KCNH8: variants seen among roughly 807,000 people sequenced by gnomAD.
KCNH8 encodes the protein potassium voltage-gated channel subfamily H member 8, also known as voltage-gated delayed rectifier potassium channel KCNH8.
Under a neutral mutation model 103.6 loss-of-function variants are expected in KCNH8, and 70 were observed. The observed-to-expected ratio is 0.68, with a 90% CI of 0.56 to 0.82. KCNH8 has a LOEUF of 0.82. KCNH8 is among the 40% of genes least tolerant of loss of function. The pLI is 0.00. For synonymous variants in KCNH8, 498 were observed against 489.4 expected (o/e 1.02, Z -0.23); for missense variants, 1,217 against 1,329.9 (o/e 0.92, Z 1.32).
intron 3 of KCNH8, among the ~76,000 whole-genome samples, chr3:19,297,809 G>A (rs887548200): frequency 6.6e-6 from 1 of 152,234 alleles, no homozygotes; most frequent in Admixed American, 6.5e-5. Flanking sequence ...CTTCAGTCAA[G>A]TGATTTCATT....
rs555284712 is a variant in KCNH8, at chr3:19,447,042, A to G, written c.1376-3064A>G. Among the ~76,000 whole-genome samples, 4 of 152,172 alleles carry G rather than the reference A, an allele frequency of 2.6e-5. No homozygotes were observed. In the South Asian group the frequency reaches 8.3e-4, roughly 32 times the overall value. ...CGCCCACACACTCAGCAGGTCTAAC[A>G]CTCAAGAATTATATACATCAAATTT... On this transcript the variant is annotated intron_variant, in intron 8 of 15. Transcript: ENST00000328405.
chr3:19,491,273 T>C (rs2068314941), intron 11 of KCNH8, among the ~76,000 whole-genome samples: 1 of 152,136 alleles, frequency 6.6e-6, no homozygotes, highest in African/African-American at 2.4e-5. Flanking sequence ...ATGGGGATAT[T>C]GCACCAAGGT....
intron 1 of KCNH8, among the ~76,000 whole-genome samples, chr3:19,233,924 G>A (rs1487225149): frequency 2.0e-5 from 3 of 152,154 alleles, no homozygotes; most frequent in Non-Finnish European, 4.4e-5. Context: ...GCAGACCTTC[G>A]CGGTGAGTGT....
intron 7 of KCNH8, among the ~76,000 whole-genome samples, chr3:19,409,776 T>G (rs2066747936): frequency 6.6e-6 from 1 of 152,008 alleles, no homozygotes; most frequent in African/African-American, 2.4e-5. Flanking sequence ...AGAAGCACAT[T>G]ACAACATTAC....
intron 1 of KCNH8, among the ~76,000 whole-genome samples, chr3:19,174,102 T>C (rs1404788465): frequency 6.6e-6 from 1 of 151,914 alleles, no homozygotes; most frequent in African/African-American, 2.4e-5. Flanking sequence ...TCTCCTGTAC[T>C]GATAAAAAGA....
At position 19,204,422 on chromosome 3, in the gene KCNH8, A is replaced by AAG. The variant is rs57494828; in HGVS notation, c.77-49215_77-49214dup. On this transcript the variant is annotated intron_variant, in intron 1 of 15. Transcript: ENST00000328405. ...TACTCTCTCTTGCTGGGAGTGGGGG[A>AAG]AGAGAGAGAGAGAGAGAGTGTCTGT... 1.7e-4 allele frequency among the ~76,000 whole-genome samples: 26 copies of AAG among 149,200 alleles called. 1 individual carries two copies. The South Asian group carries it at 4.6e-3, about 27-fold the overall frequency.
At chr3:19,507,943 C>T (rs945120082) in intron 11 of KCNH8, among the ~76,000 whole-genome samples, 1 of 152,152 alleles carries the variant, frequency 6.6e-6, no homozygotes, top group African/African-American at 2.4e-5. Context: ...CCTCTGATGA[C>T]TAATCTGGGT....
chr3:19,304,390 A>T (rs565990226), intron 3 of KCNH8, among the ~76,000 whole-genome samples: 1 of 152,058 alleles, frequency 6.6e-6, no homozygotes, highest in Admixed American at 6.6e-5. Flanking sequence ...AAATCAAAAT[A>T]AACAAAGAGA....
Position 19,467,953 on chromosome 3 carries a change from C to A in KCNH8, c.2040+10971C>A, listed in dbSNP as rs141123106. ...AGGCAGGCTCCACCCACCTCACTCCCTCCCTCCCCTCCTCCCCACCTCTGC... is the reference window on the plus strand; with the variant it reads ...AGGCAGGCTCCACCCACCTCACTCCATCCCTCCCCTCCTCCCCACCTCTGC... On this transcript the variant is annotated intron_variant, in intron 11 of 15. Transcript: ENST00000328405. Among the ~76,000 whole-genome samples, 395 of 152,050 alleles carry A rather than the reference C, an allele frequency of 2.6e-3. 4 individuals carry two copies. Among genetic ancestry groups the A allele is most frequent in the African/African-American group, 9.1e-3 (376 of 41,506 alleles).
chr3:19,446,096 T>G (rs2067358460), intron 8 of KCNH8, among the ~76,000 whole-genome samples: 1 of 152,040 alleles, frequency 6.6e-6, no homozygotes, highest in African/African-American at 2.4e-5. Context: ...TTTCCAGAAT[T>G]TCCATACATA....
At position 19,506,589 on chromosome 3, in the gene KCNH8, A is replaced by G. The variant is rs569597010; in HGVS notation, c.2041-3774A>G. ...CTCTGACAGTGTGGGCTCCTCTCCC[A>G]CTTGAGGGCTGGCTGCAGATCTCGG... On this transcript the variant is annotated intron_variant, in intron 11 of 15. Transcript: ENST00000328405. Among the ~76,000 whole-genome samples the G allele has an allele frequency of 1.4e-3, 207 of 151,572 alleles. 5 individuals are homozygous for G. The highest frequency in any genetic ancestry group is 8.7e-4 in the Non-Finnish European group (59 of 67,850).
At chr3:19,332,068 T>C (rs943243592) in intron 3 of KCNH8, among the ~76,000 whole-genome samples, 9 of 151,928 alleles carry the variant, frequency 5.9e-5, no homozygotes, top group Non-Finnish European at 1.3e-4. Flanking sequence ...TTTTTTTTTT[T>C]CACATACACT....
At chr3:19,477,553 C>T (rs1353785246) in intron 11 of KCNH8, among the ~76,000 whole-genome samples, 1 of 151,844 alleles carries the variant, frequency 6.6e-6, no homozygotes, top group Non-Finnish European at 1.5e-5. Flanking sequence ...AATGAGAGAC[C>T]TGGAAGGCAT....
At chr3:19,486,507 C>T (rs1469576724) in intron 11 of KCNH8, among the ~76,000 whole-genome samples, 2 of 152,202 alleles carry the variant, frequency 1.3e-5, no homozygotes, top group Non-Finnish European at 2.9e-5. Flanking sequence ...CCTTTGGAAA[C>T]CCCATCTAGT....
chr3:19,310,140 A>C (rs2065189924), intron 3 of KCNH8, among the ~76,000 whole-genome samples: 1 of 151,952 alleles, frequency 6.6e-6, no homozygotes, highest in Non-Finnish European at 1.5e-5. Flanking sequence ...GGAGAAGAAA[A>C]CAAAACATGT....
intron 5 of KCNH8, among the ~76,000 whole-genome samples, chr3:19,373,504 T>C (rs2066137382): frequency 6.6e-6 from 1 of 152,214 alleles, no homozygotes; most frequent in Non-Finnish European, 1.5e-5. Context: ...TTCTCTTTTT[T>C]TCTTTATTAG....
intron 6 of KCNH8, 50 bp downstream of exon 6, chr3:19,390,688 C>T (rs371628170): frequency 4.3e-4 from 672 of 1,545,892 alleles, no homozygotes; most frequent in Non-Finnish European, 5.6e-4. Context: ...ATTTATTTAT[C>T]GCATGTTCAG....
At chr3:19,372,204 G>A (rs2066109799) in intron 5 of KCNH8, among the ~76,000 whole-genome samples, 1 of 152,104 alleles carries the variant, frequency 6.6e-6, no homozygotes, top group Non-Finnish European at 1.5e-5. Flanking sequence ...ACCTTGGGCA[G>A]TATGGCCATT....
chr3:19,306,600 C>T (rs889204660), intron 3 of KCNH8, among the ~76,000 whole-genome samples: 1 of 152,088 alleles, frequency 6.6e-6, no homozygotes, highest in South Asian at 2.1e-4. Context: ...GAAGCTGACT[C>T]AAAAGAGAAA....
Sources: allele counts gnomAD v4.1 joint callset (sites outside exome capture counted in the v4.1 genomes callset), GRCh38; gene constraint gnomAD v4.1.1; transcripts MANE v1.5; gene names NCBI Gene and HGNC (gene_info 2026-07-23, HGNC 2026-07-21).